Variants in COL4A4 observed in about 807,000 individuals in gnomAD.
The protein encoded by COL4A4 is collagen alpha-4(IV) chain.
Under a neutral mutation model 192.9 loss-of-function variants are expected in COL4A4, and 105 were observed. The observed-to-expected ratio is 0.54, with a 90% CI of 0.46 to 0.64. The LOEUF (loss-of-function observed/expected upper bound fraction) is 0.64, where lower values mean the gene tolerates loss of function less well. Ranked by LOEUF, COL4A4 falls within the 30% of genes least tolerant of loss-of-function variation. COL4A4 has a pLI of 0.00. For missense variants in COL4A4, 1,967 were observed against 2,169.3 expected (o/e 0.91, Z 1.85); for synonymous variants, 762 against 769.9 (o/e 0.99, Z 0.17).
At position 227,159,274 on chromosome 2, in the gene COL4A4, C is replaced by G. The variant is rs183383373; in HGVS notation, c.-102+4733G>C. ...TAGAAAATGCCAACTAAAATGAAGT[C>G]TACAGTGACAGAAAGCAGATCAGTA... is the stretch of plus-strand genomic sequence containing the variant. On this transcript the variant is annotated intron_variant, in intron 1 of 47. Transcript: ENST00000396625. 1.6e-4 allele frequency among the ~76,000 whole-genome samples: 25 copies of G among 152,190 alleles called. No homozygotes were observed. The East Asian group carries it at 3.9e-3, about 23-fold the overall frequency.
chr2:227,092,439 A>G (rs1447668028), intron 20 of COL4A4, among the ~76,000 whole-genome samples: 1 of 152,218 alleles, frequency 6.6e-6, no homozygotes, highest in Non-Finnish European at 1.5e-5. Flanking sequence ...TGGTAAAGGA[A>G]GATCTCAAGA....
intron 22 of COL4A4, 130 bp from the exon 23 acceptor site, chr2:227,082,317 C>G: frequency 1.2e-6 from 1 of 854,904 alleles, no homozygotes; most frequent in Admixed American, 1.8e-5. Context: ...CATTCTTGGT[C>G]TCTTCCACTT....
At position 227,138,506 on chromosome 2, in the gene COL4A4, G is replaced by A. The variant is rs147019724; in HGVS notation, c.192+1655C>T. Reference sequence around the variant, plus strand: ...AAATGAGCCAGGCATGGTGGCGGGCGCCTGTAGTCCCAGCTACTGAGGAGG... The same window carrying A: ...AAATGAGCCAGGCATGGTGGCGGGCACCTGTAGTCCCAGCTACTGAGGAGG... On this transcript the variant is annotated intron_variant, in intron 4 of 47. Transcript: ENST00000396625. Among the ~76,000 whole-genome samples the A allele has an allele frequency of 7.4e-3, 1,121 of 151,838 alleles. 15 individuals are homozygous for A. Among genetic ancestry groups the A allele is most frequent in the African/African-American group, 0.026 (1,068 of 41,374 alleles).
At chr2:227,099,764 AGAAC>A (rs2150750895) in intron 17 of COL4A4, 75 bp from the exon 18 acceptor site, 1 of 1,272,802 alleles carries the variant, frequency 7.9e-7, no homozygotes, top group East Asian at 2.3e-5. Context: ...AACCAGTATT[AGAAC>A]GATCATGTGC....
intron 16 of COL4A4, 66 bp downstream of exon 16, chr2:227,101,799 T>C (rs938120354): frequency 1.6e-6 from 2 of 1,286,524 alleles, no homozygotes; most frequent in African/African-American, 3.0e-5. Context: ...GTACAACTTC[T>C]GAATTATACT....
intron 14 of COL4A4, 148 bp from the exon 15 acceptor site, chr2:227,102,996 A>C: frequency 9.4e-7 from 1 of 1,060,794 alleles, no homozygotes; most frequent in South Asian, 1.3e-5. Flanking sequence ...TTAGAATAGA[A>C]GCTCTATAGT....
chr2:227,032,897 CA>C (rs1226742751), intron 38 of COL4A4, among the ~76,000 whole-genome samples: 1 of 152,148 alleles, frequency 6.6e-6, no homozygotes, highest in Non-Finnish European at 1.5e-5. Flanking sequence ...AGTAACGCAA[CA>C]AATGTGCATT....
chr2:227,025,106 G>A (rs1966751662), intron 43 of COL4A4, among the ~76,000 whole-genome samples: 1 of 152,222 alleles, frequency 6.6e-6, no homozygotes. Context: ...AGGGGGAGCT[G>A]AGGCCTGTCT....
Position 227,005,886 on chromosome 2 carries a change from T to C in COL4A4, c.*1439A>G, listed in dbSNP as rs1961980933. 1 of 152,196 alleles carries C rather than the reference T, an allele frequency of 6.6e-6. No homozygotes were observed. Among genetic ancestry groups the C allele is most frequent in the South Asian group, 2.1e-4 (1 of 4,828 alleles). 9.4% of individuals were successfully genotyped at this position (152,196 alleles called of 1,614,324 possible). On this transcript the variant is annotated 3_prime_UTR_variant, in exon 48 of 48. Transcript: ENST00000396625. ...TTTTTTCCAACAAATCTTTTAAATT[T>C]AGGATTAGATCACCAAATTCCTAGC... is the stretch of plus-strand genomic sequence containing the variant.
intron 12 of COL4A4, among the ~76,000 whole-genome samples, chr2:227,105,115 A>T (rs4293556): frequency 0.55 from 83,175 of 149,980 alleles, 23,674 homozygotes; most frequent in Middle Eastern, 0.67. Context: ...TTAAATTTTT[A>T]AATAATTTTA....
chr2:227,001,867 C>T (rs993584061), downstream of COL4A4, among the ~76,000 whole-genome samples: 1 of 152,130 alleles, frequency 6.6e-6, no homozygotes, highest in Non-Finnish European at 1.5e-5. Flanking sequence ...AATGAAGTTC[C>T]TTCCTACTTA....
At position 227,119,815 on chromosome 2, in the gene COL4A4, A is replaced by G; in HGVS notation, c.372+80T>C. Reference sequence around the variant, plus strand: ...GTTTCTATAAATATATATTTTATGTATATATACATGTGGTTTTAAGGATTT... The same window carrying G: ...GTTTCTATAAATATATATTTTATGTGTATATACATGTGGTTTTAAGGATTT... On this transcript the variant is annotated intron_variant, in intron 6 of 47. Coordinates refer to ENST00000396625, the MANE Select transcript of COL4A4 (RefSeq NM_000092.5). The G allele has an allele frequency of 3.9e-6, 3 of 774,150 alleles. No individual in the cohort carries two copies. The Admixed American group carries it at 7.7e-5, about 20-fold the overall frequency. The allele number at this position is 774,150 out of a possible 1,614,324, so 48.0% of individuals were successfully genotyped here. A position where few individuals can be genotyped will look rare whatever the true frequency, so the allele number is the denominator to read the frequency against.
downstream of COL4A4, chr2:227,002,701 T>C (rs1961279936): frequency 6.5e-6 from 1 of 152,782 alleles, no homozygotes; most frequent in Admixed American, 6.5e-5. Flanking sequence ...ATGCACCAGA[T>C]AAAACACAGT....
downstream of COL4A4, among the ~76,000 whole-genome samples, chr2:226,999,648 T>G (rs1269045627): frequency 6.6e-6 from 1 of 152,214 alleles, no homozygotes; most frequent in African/African-American, 2.4e-5. Flanking sequence ...AAAACTAAAA[T>G]GTTGCTAATA....
rs553919658 is a variant in COL4A4, at chr2:227,160,830, A to G, written c.-102+3177T>C. The stretch of plus-strand genomic sequence containing the variant: ...GGAGCCACGAACTTAGAGAAGCAGA[A>G]GAGGAGTCCAGAGATGCAATGGCAA... On this transcript the variant is annotated intron_variant, in intron 1 of 47. Coordinates refer to ENST00000396625, the MANE Select transcript of COL4A4 (RefSeq NM_000092.5). 5.9e-3 allele frequency among the ~76,000 whole-genome samples: 897 copies of G among 152,362 alleles called. 14 individuals carry two copies. The highest frequency in any genetic ancestry group is 0.019 in the African/African-American group (801 of 41,584).
intron 9 of COL4A4, 121 bp downstream of exon 9, chr2:227,111,557 A>G (rs928564885): frequency 9.4e-7 from 1 of 1,067,918 alleles, no homozygotes; most frequent in African/African-American, 1.6e-5. Context: ...GGGAACCCAC[A>G]TTTTCATTTT....
intron 38 of COL4A4, among the ~76,000 whole-genome samples, chr2:227,033,060 T>C (rs1367252275): frequency 1.3e-5 from 2 of 152,228 alleles, no homozygotes; most frequent in Admixed American, 6.5e-5. Context: ...AGCATTACTA[T>C]ACTTAATACA....
chr2:227,052,676 T>C (rs1046963084), intron 31 of COL4A4, among the ~76,000 whole-genome samples: 4 of 152,014 alleles, frequency 2.6e-5, no homozygotes, highest in African/African-American at 7.3e-5. Flanking sequence ...ACCAAACTGG[T>C]CGGGGTCTTC....
At chr2:227,084,720 G>A (rs766085917) in intron 22 of COL4A4, among the ~76,000 whole-genome samples, 1 of 152,120 alleles carries the variant, frequency 6.6e-6, no homozygotes, top group Non-Finnish European at 1.5e-5. Flanking sequence ...TAACCTAAGC[G>A]ATTCCTGGGG....
Sources: allele counts gnomAD v4.1 joint callset (sites outside exome capture counted in the v4.1 genomes callset), GRCh38; gene constraint gnomAD v4.1.1; transcripts MANE v1.5; gene names NCBI Gene and HGNC (gene_info 2026-07-23, HGNC 2026-07-21).